Variants in HSD17B12 observed in about 807,000 individuals in gnomAD.
The protein encoded by HSD17B12 is hydroxysteroid 17-beta dehydrogenase 12.
A neutral mutation model predicts 39.3 loss-of-function variants in HSD17B12; 32 were observed. The ratio of observed to expected loss-of-function variants is 0.81; its 90% CI spans 0.61 to 1.09. The LOEUF is 1.09. Among genes scored for constraint, HSD17B12 ranks in the 50% least tolerant of loss-of-function variants. The pLI, the probability that HSD17B12 is intolerant of heterozygous loss-of-function variation, is 0.00. For synonymous variants in HSD17B12, 150 were observed against 146.7 expected (o/e 1.02, Z -0.16); for missense variants, 342 against 382.9 (o/e 0.89, Z 0.89).
At position 43,830,796 on chromosome 11, in the gene HSD17B12, T is replaced by C. The variant is rs1179964400; in HGVS notation, c.502-180T>C. 7.1e-6 allele frequency: 3 copies of C among 425,298 alleles called. No individual in the cohort carries two copies. In the East Asian group the frequency reaches 1.2e-4, roughly 17 times the overall value. 26.3% of individuals were successfully genotyped at this position (425,298 alleles called of 1,614,324 possible). A position where few individuals can be genotyped will look rare whatever the true frequency, so the allele number is the denominator to read the frequency against. ...GTTCTCTCCAGTAATTTCAGCTGGT[T>C]CCTTTTTATGCCCTCTTGACACAGT... On this transcript the variant is annotated intron_variant, in intron 6 of 10. Coordinates refer to ENST00000278353, the MANE Select transcript of HSD17B12 (RefSeq NM_016142.3).
chr11:43,564,899 T>TTC, the HSD17B12 span, among the ~76,000 whole-genome samples: 1 of 40,896 alleles, frequency 2.4e-5, no homozygotes, highest in Non-Finnish European at 7.5e-5. Context: ...TTTCTTCTTC[T>TTC]TTTTTTTTTT....
intron 1 of HSD17B12, among the ~76,000 whole-genome samples, chr11:43,729,144 A>G (rs978641619): frequency 6.6e-6 from 1 of 152,146 alleles, no homozygotes; most frequent in Non-Finnish European, 1.5e-5. Flanking sequence ...TAGAGTAGCA[A>G]CTTAGTAAGG....
the HSD17B12 span, among the ~76,000 whole-genome samples, chr11:43,648,037 A>G: frequency 6.6e-6 from 1 of 152,174 alleles, no homozygotes; most frequent in Non-Finnish European, 1.5e-5. Context: ...ATTCATTTCC[A>G]TTAGAAATAA....
At chr11:43,834,764 G>A (rs1360731578) in intron 7 of HSD17B12, among the ~76,000 whole-genome samples, 5 of 152,118 alleles carry the variant, frequency 3.3e-5, no homozygotes, top group Admixed American at 6.5e-5. Context: ...AAGTGTGAGG[G>A]ACTGAGTTTT....
At chr11:43,692,370 G>A (rs1298469045) in intron 1 of HSD17B12, among the ~76,000 whole-genome samples, 1 of 152,152 alleles carries the variant, frequency 6.6e-6, no homozygotes, top group African/African-American at 2.4e-5. Flanking sequence ...ACAGAGTTAT[G>A]ATAGCAGGGC....
rs146195506 is a variant in HSD17B12 at position 43,714,874 on chromosome 11, C to A, written c.160+33887C>A. Among the ~76,000 whole-genome samples the A allele has an allele frequency of 6.2e-3, 938 of 152,228 alleles. 16 individuals are homozygous for A. Among genetic ancestry groups the A allele is most frequent in the African/African-American group, 0.021 (880 of 41,546 alleles). ...AAGTTGGATTCCTAGGTATTTTATT[C>A]TCTTTGAAGCAATTGTGAAGGGGAG... On this transcript the variant is annotated intron_variant, in intron 1 of 10. Coordinates refer to ENST00000278353, the MANE Select transcript of HSD17B12 (RefSeq NM_016142.3).
At chr11:43,811,681 AAGTATCTGTCACTTTG>A (rs1468759951) in intron 4 of HSD17B12, among the ~76,000 whole-genome samples, 27 of 152,292 alleles carry the variant, frequency 1.8e-4, no homozygotes, top group African/African-American at 5.8e-4. Flanking sequence ...AGGGTGGCTG[AAGTATCTGTCACTTTG>A]AGTATCATTT....
At chr11:43,592,915 G>C in the HSD17B12 span, among the ~76,000 whole-genome samples, 1 of 152,140 alleles carries the variant, frequency 6.6e-6, no homozygotes, top group Non-Finnish European at 1.5e-5. Context: ...GAGGAGAGAG[G>C]CTGTGTTCTC....
the HSD17B12 span, chr11:43,646,335 C>T: frequency 6.6e-6 from 1 of 152,144 alleles, no homozygotes; most frequent in Non-Finnish European, 1.5e-5. Context: ...AGAATGTTAA[C>T]TAACTTGACA....
the HSD17B12 span, among the ~76,000 whole-genome samples, chr11:43,564,117 G>A: frequency 6.6e-6 from 1 of 152,036 alleles, no homozygotes; most frequent in East Asian, 1.9e-4. Context: ...AAAGTGCTGG[G>A]ATTACAAGTG....
chr11:43,768,526 C>T (rs1950618147), intron 3 of HSD17B12, among the ~76,000 whole-genome samples: 1 of 152,014 alleles, frequency 6.6e-6, no homozygotes, highest in Admixed American at 6.5e-5. Flanking sequence ...AGAGGTTCCC[C>T]TTGAGTGTTA....
intron 4 of HSD17B12, among the ~76,000 whole-genome samples, chr11:43,803,633 C>A (rs1950991476): frequency 6.6e-6 from 1 of 151,978 alleles, no homozygotes. Context: ...TGCTAAAGCC[C>A]TTAGTCATGA....
At chr11:43,565,376 C>A in the HSD17B12 span, among the ~76,000 whole-genome samples, 1 of 152,160 alleles carries the variant, frequency 6.6e-6, no homozygotes, top group African/African-American at 2.4e-5. Context: ...AAGGCAGGGT[C>A]TTTGTCATCT....
intron 3 of HSD17B12, among the ~76,000 whole-genome samples, chr11:43,768,440 T>C (rs192723819): frequency 2.8e-4 from 42 of 152,356 alleles, no homozygotes; most frequent in Admixed American, 1.2e-3. Context: ...CTGCAGCCTC[T>C]GCCTCCTGGT....
At chr11:43,829,681 G>T (rs892303253) in intron 6 of HSD17B12, 3 of 152,006 alleles carry the variant, frequency 2.0e-5, no homozygotes, top group East Asian at 1.9e-4. Context: ...ATACAAATGC[G>T]CACGCACACA....
the HSD17B12 span, among the ~76,000 whole-genome samples, chr11:43,670,720 G>A: frequency 1.3e-5 from 2 of 151,928 alleles, no homozygotes; most frequent in Admixed American, 6.6e-5. Flanking sequence ...GCAAGGCCTT[G>A]TCTCTACAAA....
At chr11:43,674,128 T>C in the HSD17B12 span, among the ~76,000 whole-genome samples, 1 of 152,208 alleles carries the variant, frequency 6.6e-6, no homozygotes, top group African/African-American at 2.4e-5. Context: ...TACCTGACAC[T>C]AAAGGCCAGA....
intron 3 of HSD17B12, among the ~76,000 whole-genome samples, chr11:43,772,234 C>G (rs1364234377): frequency 6.6e-6 from 1 of 152,156 alleles, no homozygotes; most frequent in Non-Finnish European, 1.5e-5. Flanking sequence ...AAATATGTTG[C>G]AGCTTACTGC....
chr11:43,664,718 G>A, the HSD17B12 span, among the ~76,000 whole-genome samples: 1 of 152,140 alleles, frequency 6.6e-6, no homozygotes, highest in Non-Finnish European at 1.5e-5. Flanking sequence ...GCTTGGGGGT[G>A]CCCACAAGTC....
Sources: gnomAD v4.1 joint callset for allele counts (sites outside exome capture counted in the v4.1 genomes callset) on GRCh38, gnomAD v4.1.1 for gene constraint, MANE v1.5 for transcripts, NCBI Gene and HGNC (gene_info 2026-07-23, HGNC 2026-07-21) for gene names.